The following VIPR2 variants were observed in gnomAD, a reference collection of about 807,000 sequenced individuals.
VIPR2 encodes the protein vasoactive intestinal peptide receptor 2, also known as vasoactive intestinal polypeptide receptor 2.
In VIPR2, 48 loss-of-function variants were observed where a neutral mutation model predicts 58.0. The ratio of observed to expected loss-of-function variants is 0.83; its 90% CI spans 0.66 to 1.05. VIPR2 has a LOEUF of 1.05. Among genes scored for constraint, VIPR2 ranks in the 50% least tolerant of loss-of-function variants. The pLI is 0.00. For synonymous variants in VIPR2, 243 were observed against 235.2 expected (o/e 1.03, Z -0.30); for missense variants, 534 against 558.0 (o/e 0.96, Z 0.43).
At chr7:159,051,206 C>T (rs567588557) in intron 5 of VIPR2, among the ~76,000 whole-genome samples, 5 of 152,216 alleles carry the variant, frequency 3.3e-5, no homozygotes, top group African/African-American at 4.8e-5. Flanking sequence ...TAAGTAAATG[C>T]GACCTTTAAC....
chr7:159,074,245 G>A (rs555604952), intron 4 of VIPR2, among the ~76,000 whole-genome samples: 401 of 152,274 alleles, frequency 2.6e-3, no homozygotes, highest in Non-Finnish European at 3.7e-3. Flanking sequence ...AAACTGAGCG[G>A]AAAATGTTCT....
rs1796678147 is a variant in VIPR2, at chr7:159,127,067, G to A, written c.151+15379C>T. 6.6e-6 allele frequency among the ~76,000 whole-genome samples: 1 copy of A among 152,190 alleles called. No homozygotes were observed. Among genetic ancestry groups the A allele is most frequent in the Non-Finnish European group, 1.5e-5 (1 of 68,030 alleles). On this transcript the variant is annotated intron_variant, in intron 2 of 12. Coordinates refer to ENST00000262178, the MANE Select transcript of VIPR2 (RefSeq NM_003382.5). The surrounding 1 kb of genome is among the most constrained non-coding windows in gnomAD (Gnocchi z 4.6). ...CAGGAGGAGACAATGCCCCACAGCA[G>A]AGCGCGGTCTCCAAACGTGTTTAGA...
chr7:159,118,373 A>G (rs1468586615), intron 2 of VIPR2, among the ~76,000 whole-genome samples: 1 of 149,484 alleles, frequency 6.7e-6, no homozygotes, highest in Non-Finnish European at 1.5e-5. Context: ...CTGTGTCTCA[A>G]GGAGCTGCAT....
chr7:159,032,984 C>T (rs1056456513), intron 10 of VIPR2, among the ~76,000 whole-genome samples: 1 of 151,904 alleles, frequency 6.6e-6, no homozygotes, highest in African/African-American at 2.4e-5. Context: ...TCCCATCCCT[C>T]GTGTGGGCAA....
intron 3 of VIPR2, 111 bp downstream of exon 3, chr7:159,109,701 T>C: frequency 2.0e-6 from 2 of 977,246 alleles, no homozygotes; most frequent in Non-Finnish European, 3.2e-6. Context: ...ACCCCCAGGG[T>C]AGCAGGAGAT....
chr7:159,082,010 G>A (rs1856929694), intron 4 of VIPR2, among the ~76,000 whole-genome samples: 1 of 152,202 alleles, frequency 6.6e-6, no homozygotes, highest in Non-Finnish European at 1.5e-5. Context: ...CTTTTACACT[G>A]TTGGTGGGAC....
intron 6 of VIPR2, among the ~76,000 whole-genome samples, chr7:159,041,705 C>T (rs1443740686): frequency 6.6e-6 from 1 of 151,502 alleles, no homozygotes; most frequent in Non-Finnish European, 1.5e-5. Flanking sequence ...TCATGGGTCA[C>T]TGCTTTTGAC....
chr7:159,043,019 G>A lies in VIPR2; in HGVS notation c.597+16C>T, dbSNP rs1328716377. On this transcript the variant is annotated intron_variant, in intron 6 of 12. Transcript: ENST00000262178. ...AGGGACAAGACAGTGGGACCCTGTG[G>A]TGGGGACAGCCTTACCCAGGAGGAT... 1.2e-6 allele frequency: 2 copies of A among 1,612,770 alleles called. No homozygotes were observed. The highest frequency in any genetic ancestry group is 1.3e-5 in the African/African-American group (1 of 74,912).
intron 1 of VIPR2, chr7:159,144,512 G>C (rs1419469938): frequency 6.6e-7 from 1 of 1,525,854 alleles, no homozygotes; most frequent in Non-Finnish European, 8.8e-7. Context: ...CTCCCAACCC[G>C]AGTCCCGCAA....
intron 4 of VIPR2, among the ~76,000 whole-genome samples, chr7:159,076,127 G>C (rs1856624397): frequency 6.6e-6 from 1 of 152,152 alleles, no homozygotes; most frequent in Non-Finnish European, 1.5e-5. Context: ...GGTTCCACCT[G>C]GTCCAAAATC....
intron 2 of VIPR2, among the ~76,000 whole-genome samples, chr7:159,113,050 G>A (rs1796099255): frequency 6.6e-6 from 1 of 152,200 alleles, no homozygotes; most frequent in South Asian, 2.1e-4. Context: ...AGAAGGAGTG[G>A]CTCTAGGAGT....
chr7:159,033,860 G>A (rs910340616), intron 10 of VIPR2, among the ~76,000 whole-genome samples: 4 of 152,174 alleles, frequency 2.6e-5, no homozygotes, highest in Non-Finnish European at 5.9e-5. Context: ...CACTGGAGAG[G>A]ACTTTCTTCT....
intron 4 of VIPR2, among the ~76,000 whole-genome samples, chr7:159,083,600 A>C (rs1435505708): frequency 6.8e-6 from 1 of 148,130 alleles, no homozygotes. Context: ...GCCAGTACCC[A>C]CTAGCCGGGC....
At chr7:159,044,639 C>T (rs1854542823) in intron 5 of VIPR2, among the ~76,000 whole-genome samples, 1 of 149,974 alleles carries the variant, frequency 6.7e-6, no homozygotes, top group African/African-American at 2.4e-5. Flanking sequence ...TAAAGGAAAC[C>T]AGGAGAACAA....
intron 2 of VIPR2, among the ~76,000 whole-genome samples, chr7:159,135,055 AAAC>A (rs1797159225): frequency 7.2e-6 from 1 of 139,338 alleles, no homozygotes; most frequent in Non-Finnish European, 1.5e-5. Context: ...TTGGCCTAGA[AAAC>A]AATGATTTTG....
intron 2 of VIPR2, among the ~76,000 whole-genome samples, chr7:159,122,392 G>A (rs1467933572): frequency 1.3e-5 from 2 of 152,198 alleles, no homozygotes; most frequent in Non-Finnish European, 2.9e-5. Context: ...TGCTCCCATC[G>A]GAATCTCTCT....
intron 2 of VIPR2, among the ~76,000 whole-genome samples, chr7:159,137,467 A>G (rs886437573): frequency 6.6e-6 from 1 of 152,156 alleles, no homozygotes; most frequent in Non-Finnish European, 1.5e-5. Flanking sequence ...GCAGCCTTGA[A>G]CTGGGCTCAA....
intron 4 of VIPR2, among the ~76,000 whole-genome samples, chr7:159,071,534 C>G (rs965962610): frequency 2.6e-5 from 4 of 152,200 alleles, no homozygotes; most frequent in African/African-American, 9.7e-5. Flanking sequence ...CACAACCCCA[C>G]CAGCCTCATC....
chr7:159,112,414 C>T (rs893437196), intron 2 of VIPR2, among the ~76,000 whole-genome samples: 3 of 152,252 alleles, frequency 2.0e-5, no homozygotes, highest in Non-Finnish European at 2.9e-5. Context: ...TGGCTGCAAC[C>T]TCCTGGCAAC....
Sources: gnomAD v4.1 joint callset for allele counts (sites outside exome capture counted in the v4.1 genomes callset) on GRCh38, gnomAD v4.1.1 for gene constraint, Gnocchi (gnomAD v3.1) non-coding constraint, MANE v1.5 for transcripts, NCBI Gene and HGNC (gene_info 2026-07-23, HGNC 2026-07-21) for gene names.